The following CALD1 variants were observed in gnomAD, a reference collection of about 807,000 sequenced individuals.
CALD1 encodes the protein caldesmon 1, also known as caldesmon.
Under a neutral mutation model 99.9 loss-of-function variants are expected in CALD1, and 33 were observed. The ratio of observed to expected loss-of-function variants is 0.33; its 90% CI spans 0.25 to 0.44. The LOEUF (loss-of-function observed/expected upper bound fraction) is 0.44, where lower values mean the gene tolerates loss of function less well. Ranked by LOEUF, CALD1 falls within the 20% of genes least tolerant of loss-of-function variation. The pLI is 1.00. For missense variants in CALD1, 861 were observed against 962.1 expected (o/e 0.89, Z 1.39); for synonymous variants, 310 against 325.0 (o/e 0.95, Z 0.50).
At chr7:134,959,341 G>A (rs1200674916) in intron 11 of CALD1, among the ~76,000 whole-genome samples, 1 of 151,906 alleles carries the variant, frequency 6.6e-6, no homozygotes, top group African/African-American at 2.4e-5. Flanking sequence ...TATCCCCAGA[G>A]CCTAGCAAAG....
At chr7:134,765,257 T>G (rs1273093215) in intron 1 of CALD1, among the ~76,000 whole-genome samples, 1 of 149,624 alleles carries the variant, frequency 6.7e-6, no homozygotes, top group East Asian at 2.0e-4. Context: ...GAGGTTGCAG[T>G]GAGCTGAGAT....
At chr7:134,832,059 C>A (rs1172865367) in intron 1 of CALD1, among the ~76,000 whole-genome samples, 1 of 152,236 alleles carries the variant, frequency 6.6e-6, no homozygotes, top group African/African-American at 2.4e-5. Context: ...GGTGGGCATG[C>A]GCACAGCCCT....
chr7:134,764,714 G>A (rs1796810347), intron 1 of CALD1, among the ~76,000 whole-genome samples: 2 of 152,172 alleles, frequency 1.3e-5, no homozygotes. Flanking sequence ...GTCCGAGAAA[G>A]GGTGTGAGCT....
the CALD1 span, among the ~76,000 whole-genome samples, chr7:134,728,845 CTTTTTTTTT>C: frequency 7.2e-5 from 9 of 124,232 alleles, no homozygotes; most frequent in Admixed American, 1.7e-4. Flanking sequence ...TATACCTTTT[CTTTTTTTTT>C]TTTTTTTTTT....
At chr7:134,901,381 A>G (rs980764449) in intron 3 of CALD1, among the ~76,000 whole-genome samples, 4 of 152,086 alleles carry the variant, frequency 2.6e-5, no homozygotes, top group Admixed American at 1.3e-4. Flanking sequence ...TATACATGTA[A>G]AGTGGCTAGC....
chr7:134,806,477 A>G (rs922862805), intron 1 of CALD1, among the ~76,000 whole-genome samples: 1 of 152,184 alleles, frequency 6.6e-6, no homozygotes, highest in African/African-American at 2.4e-5. Context: ...ACTCAGGCCA[A>G]CTTCTCTGTC....
At chr7:134,720,638 G>A in the CALD1 span, among the ~76,000 whole-genome samples, 1 of 152,158 alleles carries the variant, frequency 6.6e-6, no homozygotes, top group Non-Finnish European at 1.5e-5. Context: ...GAAAAACACA[G>A]CAGGGAATGT....
At chr7:134,908,394 T>C (rs1803557235) in intron 3 of CALD1, among the ~76,000 whole-genome samples, 1 of 152,158 alleles carries the variant, frequency 6.6e-6, no homozygotes, top group South Asian at 2.1e-4. Context: ...TAGTGATGAG[T>C]TGCTCATCTA....
chr7:134,849,229 C>G (rs995239482), intron 2 of CALD1, among the ~76,000 whole-genome samples: 1 of 152,184 alleles, frequency 6.6e-6, no homozygotes, highest in Non-Finnish European at 1.5e-5. Context: ...CATGCACTGG[C>G]TATATCTGTA....
chr7:134,760,684 A>G (rs942752380), intron 1 of CALD1, among the ~76,000 whole-genome samples: 16 of 152,238 alleles, frequency 1.1e-4, no homozygotes, highest in Admixed American at 9.2e-4. Flanking sequence ...ATATGAAGTA[A>G]TACTTACAAC....
At chr7:134,956,344 A>G (rs1220073376) in intron 9 of CALD1, among the ~76,000 whole-genome samples, 1 of 152,184 alleles carries the variant, frequency 6.6e-6, no homozygotes, top group South Asian at 2.1e-4. Context: ...GTATCCCCTC[A>G]AAATTCATAT....
At chr7:134,753,449 A>G (rs1009639943) in intron 1 of CALD1, among the ~76,000 whole-genome samples, 2 of 152,214 alleles carry the variant, frequency 1.3e-5, no homozygotes, top group Non-Finnish European at 2.9e-5. Flanking sequence ...AGGCCAGGGC[A>G]ATGCATCTGA....
the CALD1 span, among the ~76,000 whole-genome samples, chr7:134,738,376 A>G: frequency 1.3e-5 from 2 of 152,166 alleles, no homozygotes; most frequent in Non-Finnish European, 2.9e-5. Flanking sequence ...AGAGTTTCCC[A>G]GTGATTTCAG....
intron 1 of CALD1, among the ~76,000 whole-genome samples, chr7:134,780,939 T>C (rs1054092565): frequency 1.3e-5 from 2 of 152,232 alleles, no homozygotes; most frequent in African/African-American, 4.8e-5. Context: ...AAATGACTGA[T>C]TCAACTGGAT....
chr7:134,885,096 C>T (rs1477832865), intron 3 of CALD1, among the ~76,000 whole-genome samples: 1 of 151,960 alleles, frequency 6.6e-6, no homozygotes, highest in Non-Finnish European at 1.5e-5. Context: ...CCATGCCAGG[C>T]TAACTTTTGT....
chr7:134,869,878 A>G (rs1800983070), intron 3 of CALD1, among the ~76,000 whole-genome samples: 1 of 152,212 alleles, frequency 6.6e-6, no homozygotes, highest in Non-Finnish European at 1.5e-5. Context: ...AATGGAAGCC[A>G]TCAAAGAAGA....
chr7:134,738,760 T>G, the CALD1 span, among the ~76,000 whole-genome samples: 1 of 152,200 alleles, frequency 6.6e-6, no homozygotes, highest in Admixed American at 6.5e-5. Context: ...CCTCTAGACT[T>G]GTGTCATTGC....
At chr7:134,779,869 C>G in intron 1 of CALD1, 120 bp downstream of exon 1, 1 of 393,998 alleles carries the variant, frequency 2.5e-6, no homozygotes, top group Non-Finnish European at 4.5e-6. Context: ...AGGCAATAAA[C>G]CATGCAAACT....
chr7:134,896,970 C>T (rs1230150000), intron 3 of CALD1, among the ~76,000 whole-genome samples: 1 of 152,122 alleles, frequency 6.6e-6, no homozygotes, highest in Admixed American at 6.5e-5. Flanking sequence ...GTCTGAGAGC[C>T]CGACTACCAT....
Sources: allele counts gnomAD v4.1 joint callset (sites outside exome capture counted in the v4.1 genomes callset), GRCh38; gene constraint gnomAD v4.1.1; transcripts MANE v1.5; gene names NCBI Gene and HGNC (gene_info 2026-07-23, HGNC 2026-07-21).